The following ITGAX variants were observed in gnomAD, a reference collection of about 807,000 sequenced individuals.
ITGAX encodes the protein integrin subunit alpha X.
Under a neutral mutation model 140.2 loss-of-function variants are expected in ITGAX, and 99 were observed. The observed-to-expected ratio is 0.71, with a 90% CI of 0.60 to 0.83. ITGAX has a LOEUF of 0.83. ITGAX is among the 40% of genes least tolerant of loss of function. ITGAX has a pLI of 0.00. For synonymous variants in ITGAX, 631 were observed against 600.4 expected, an observed-to-expected ratio of 1.05 and a Z score of -0.75; for missense variants, 1,444 against 1,482.0, an observed-to-expected ratio of 0.97 and a Z score of 0.42.
chr16:31,371,509 C>T lies in ITGAX; in HGVS notation c.2005+12C>T. 6.2e-7 allele frequency: 1 copy of T among 1,613,238 alleles called. No individual in the cohort carries two copies. Among genetic ancestry groups the T allele is most frequent in the Non-Finnish European group, 8.5e-7 (1 of 1,179,298 alleles). ...CCTGCTTGGGAGCCGTGAGTCCCCT[C>T]CCCTCCAACCCAGGACACCCTGACC... On this transcript the variant is annotated intron_variant, in intron 16 of 29. Coordinates refer to ENST00000268296, the MANE Select transcript of ITGAX (RefSeq NM_000887.5).
chr16:31,370,993 C>T (rs906945062), intron 14 of ITGAX, 91 bp from the exon 15 acceptor site: 39 of 1,542,706 alleles, frequency 2.5e-5, no homozygotes, highest in East Asian at 9.0e-5. Context: ...TCTCCCTTTC[C>T]GATGGTCCTA....
In ITGAX at chr16:31,359,683, G is replaced by A. The variant is rs750669635; in HGVS notation, c.431-17G>A. On this transcript the variant is annotated splice_polypyrimidine_tract_variant and intron_variant, in intron 5 of 29. Coordinates refer to ENST00000268296, the MANE Select transcript of ITGAX (RefSeq NM_000887.5). Reference sequence around the variant, plus strand: ...CAGGAGTGTCACTTGGAGGACCGGTGCCACCTCCTTCCCCAGAGTGCCCAA... The same window carrying A: ...CAGGAGTGTCACTTGGAGGACCGGTACCACCTCCTTCCCCAGAGTGCCCAA... 33 of 1,613,144 alleles carry A rather than the reference G, an allele frequency of 2.0e-5. No individual in the cohort carries two copies. The South Asian group carries it at 3.0e-4, about 15-fold the overall frequency.
chr16:31,378,818 C>CTT (rs11324230), intron 23 of ITGAX, among the ~76,000 whole-genome samples: 31 of 137,758 alleles, frequency 2.3e-4, no homozygotes, highest in African/African-American at 7.7e-4. Context: ...GACTCTCTCT[C>CTT]TTTTTTTTTT....
intron 14 of ITGAX, among the ~76,000 whole-genome samples, chr16:31,364,951 G>A (rs1179421214): frequency 6.6e-6 from 1 of 152,136 alleles, no homozygotes; most frequent in Non-Finnish European, 1.5e-5. Flanking sequence ...CCTGGGAGGT[G>A]GGGGTTGTGG....
rs371570650 is a variant in ITGAX at position 31,376,767 on chromosome 16, A to G, written c.2509-32A>G. On this transcript the variant is annotated intron_variant, in intron 20 of 29. Transcript: ENST00000268296. Reference sequence around the variant, plus strand: ...GTTTTTGCCATTGCTTTCAATTTCAACTAATACTCCTCTACTTTTTCTCAT... The same window carrying G: ...GTTTTTGCCATTGCTTTCAATTTCAGCTAATACTCCTCTACTTTTTCTCAT... 1.4e-5 allele frequency: 22 copies of G among 1,602,458 alleles called. No homozygotes were observed. In the East Asian group the frequency reaches 2.0e-4, roughly 15 times the overall value.
Position 31,372,384 on chromosome 16 carries a change from G to T in ITGAX, c.2167G>T (p.Val723Leu). 6.2e-7 allele frequency: 1 copy of T among 1,605,840 alleles called. No homozygotes were observed. Among genetic ancestry groups the T allele is most frequent in the Non-Finnish European group, 8.5e-7 (1 of 1,177,918 alleles). The change falls in exon 18 of 30, where the codon GTG becomes TTG. Residue 723 changes from valine (V) to leucine (L), a missense_variant. By Grantham distance (32) the Val-to-Leu change is conservative. Transcript: ENST00000268296. ...ENFNLLLPSC[V>L]EDSVTPITLR... The stretch of plus-strand genomic sequence containing the variant: ...CGCGACGCCCGTCCCCCAGAGCTGC[G>T]TGGAGGACTCTGTGACCCCCATTAC...
Position 31,382,228 on chromosome 16 carries a change from C to CTTTTTTTTTTTTTTTTTTTTCTTTTT in ITGAX, c.*336_*337insTTTTTCTTTTTTTTTTTTTTTTTTTT. On this transcript the variant is annotated 3_prime_UTR_variant, in exon 30 of 30. Transcript: ENST00000268296. The stretch of plus-strand genomic sequence containing the variant: ...GGCACGAATGATCTTTCTTTCCTTT[C>CTTTTTTTTTTTTTTTTTTTTCTTTTT]TTTTTTTTTTTTTTTCTTTTCTTTT... 1.1e-6 allele frequency: 1 copy of CTTTTTTTTTTTTTTTTTTTTCTTTTT among 902,772 alleles called. No homozygotes were observed. The highest frequency in any genetic ancestry group is 1.4e-6 in the Non-Finnish European group (1 of 702,490). The allele number at this position is 902,772 out of a possible 1,614,324, so 55.9% of individuals were successfully genotyped here.
At chr16:31,356,220 T>C (rs1337119863) in intron 2 of ITGAX, 7 of 509,510 alleles carry the variant, frequency 1.4e-5, no homozygotes, top group Non-Finnish European at 2.1e-5. Flanking sequence ...GATGCTGATT[T>C]AGTCCACACG....
intron 14 of ITGAX, among the ~76,000 whole-genome samples, chr16:31,364,853 CAAA>C (rs56670313): frequency 9.4e-6 from 1 of 106,202 alleles, no homozygotes. Flanking sequence ...ACTAAAAATA[CAAA>C]AAAAAAAAAA....
At chr16:31,359,446 G>A (rs746520578) in intron 5 of ITGAX, among the ~76,000 whole-genome samples, 2 of 152,194 alleles carry the variant, frequency 1.3e-5, no homozygotes, top group Non-Finnish European at 2.9e-5. Context: ...TTACAGGCGT[G>A]AGCCACCACG....
In ITGAX at chr16:31,370,978, C is replaced by T. The variant is rs1044115201; in HGVS notation, c.1711-106C>T. On this transcript the variant is annotated intron_variant, in intron 14 of 29. Transcript: ENST00000268296. ...TGGTGACATCTGTTCACAACTCACCCCTTCTCTCCCTTTCCGATGGTCCTA... is the reference window on the plus strand; with the variant it reads ...TGGTGACATCTGTTCACAACTCACCTCTTCTCTCCCTTTCCGATGGTCCTA... 9 of 1,418,812 alleles carry T rather than the reference C, an allele frequency of 6.3e-6. No individual in the cohort carries two copies. In the African/African-American group the frequency reaches 1.1e-4, roughly 18 times the overall value. 87.9% of individuals were successfully genotyped at this position (1,418,812 alleles called of 1,614,324 possible). A position where few individuals can be genotyped will look rare whatever the true frequency, so the allele number is the denominator to read the frequency against.
intron 14 of ITGAX, among the ~76,000 whole-genome samples, chr16:31,367,714 A>T (rs2080905948): frequency 6.6e-6 from 1 of 152,220 alleles, no homozygotes; most frequent in Admixed American, 6.5e-5. Flanking sequence ...CAAGGAGATT[A>T]GTGTTGTTTC....
rs1159210888 is a variant in ITGAX, at chr16:31,380,809, G to A, written c.3277-88G>A. 31 of 1,321,358 alleles carry A rather than the reference G, an allele frequency of 2.3e-5. No homozygotes were observed. The South Asian group carries it at 3.3e-4, about 14-fold the overall frequency. The allele number at this position is 1,321,358 out of a possible 1,614,324, so 81.9% of individuals were successfully genotyped here. A position where few individuals can be genotyped will look rare whatever the true frequency, so the allele number is the denominator to read the frequency against. ...TCTTGGAGCAGGGCCTGGGGAAGGA[G>A]GGGAGGGAGTTAAAGGTTGGGGAGC... is the stretch of plus-strand genomic sequence containing the variant. On this transcript the variant is annotated intron_variant, in intron 28 of 29. Coordinates refer to ENST00000268296, the MANE Select transcript of ITGAX (RefSeq NM_000887.5).
At position 31,376,808 on chromosome 16, in the gene ITGAX, C is replaced by A. The variant is rs2081022983; in HGVS notation, c.2518C>A (p.Gln840Lys). The A allele has an allele frequency of 6.2e-7, 1 of 1,614,018 alleles. No individual in the cohort carries two copies. The highest frequency in any genetic ancestry group is 8.5e-7 in the Non-Finnish European group (1 of 1,179,982). Residue 840 changes from glutamine (Q) to lysine (K), a missense_variant, in exon 21 of 30, where the codon CAG (glutamine) becomes AAG (lysine). By Grantham distance (53) the Gln-to-Lys change is moderately conservative (BLOSUM62 1). Transcript: ENST00000268296. ...TTTTTCTCATGCCTAGAAACAAGGG[C>A]AGCTGCGTTCCCTGCACCTGACATG... ...RYVAEGQKQG[Q>K]LRSLHLTCDS...
intron 1 of ITGAX, among the ~76,000 whole-genome samples, chr16:31,355,692 T>G (rs1024586404): frequency 6.6e-6 from 1 of 152,096 alleles, no homozygotes; most frequent in Non-Finnish European, 1.5e-5. Context: ...AATGGAGAAC[T>G]GCAACTCGAT....
At chr16:31,370,631 C>T (rs2080945758) in intron 14 of ITGAX, among the ~76,000 whole-genome samples, 1 of 152,166 alleles carries the variant, frequency 6.6e-6, no homozygotes, top group African/African-American at 2.4e-5. Context: ...TCCCTTTCAG[C>T]CTTAATACTC....
At position 31,371,106 on chromosome 16, in the gene ITGAX, C is replaced by A. The variant is rs1232354162; in HGVS notation, c.1733C>A (p.Ser578Tyr). 4 of 1,614,020 alleles carry A rather than the reference C, an allele frequency of 2.5e-6. No individual in the cohort carries two copies. Among genetic ancestry groups the A allele is most frequent in the Non-Finnish European group, 3.4e-6 (4 of 1,180,050 alleles). Residue 578 changes from serine to tyrosine, a missense_variant, in exon 15 of 30, where the codon TCC becomes TAC. Physicochemically the swap from Ser to Tyr is moderately radical, Grantham distance 144 (BLOSUM62 -2). Coordinates refer to ENST00000268296, the MANE Select transcript of ITGAX (RefSeq NM_000887.5). Reference protein sequence around the residue: ...HSQRIAGSQLSSRLQYFGQAL... With the variant: ...HSQRIAGSQLYSRLQYFGQAL... Reference sequence around the variant, plus strand: ...CAGCGGATCGCGGGCTCCCAGCTCTCCTCCAGGCTGCAGTATTTTGGGCAG... The same window carrying A: ...CAGCGGATCGCGGGCTCCCAGCTCTACTCCAGGCTGCAGTATTTTGGGCAG...
intron 20 of ITGAX, among the ~76,000 whole-genome samples, chr16:31,373,844 A>G (rs993550351): frequency 6.6e-6 from 1 of 152,250 alleles, no homozygotes; most frequent in Non-Finnish European, 1.5e-5. Context: ...GAATGAAAGC[A>G]GCCATTGACA....
Position 31,362,935 on chromosome 16 carries a change from A to C in ITGAX, c.1360A>C (p.Ile454Leu), listed in dbSNP as rs75318258. Residue 454 changes from isoleucine to leucine, a missense_variant and splice_region_variant, in exon 13 of 30, where the codon ATC (isoleucine) becomes CTC (leucine). Transcript: ENST00000268296. ...GCATGACCCAGGCTCTGCCCTTCAG[A>C]TCGGCTCCTACTTCGGGGCCTCCCT... is the stretch of plus-strand genomic sequence containing the variant. ...RMKAEVTGTQ[I>L]GSYFGASLCS... is the part of the protein sequence containing the mutation. 1,361 of 1,611,668 alleles carry C rather than the reference A, an allele frequency of 8.4e-4. 11 individuals are homozygous for C. The East Asian group carries it at 0.023, about 27-fold the overall frequency.
Sources: gnomAD v4.1 joint callset for allele counts (sites outside exome capture counted in the v4.1 genomes callset) on GRCh38, gnomAD v4.1.1 for gene constraint, MANE v1.5 for transcripts, NCBI Gene and HGNC (gene_info 2026-07-23, HGNC 2026-07-21) for gene names.